LPCAT1: variants seen among roughly 807,000 people sequenced by gnomAD.
LPCAT1 encodes 1-acylglycerol-3-phosphate O-acyltransferase.
A neutral mutation model predicts 60.9 loss-of-function variants in LPCAT1; 23 were observed. That is an observed-to-expected ratio of 0.38 (90% CI 0.27 to 0.53). The LOEUF (loss-of-function observed/expected upper bound fraction) is 0.53, where lower values mean the gene tolerates loss of function less well. LPCAT1 is among the 20% of genes least tolerant of loss of function. The pLI, the probability that LPCAT1 is intolerant of heterozygous loss-of-function variation, is 0.82. For synonymous variants in LPCAT1, 340 were observed against 301.1 expected (o/e 1.13, Z -1.34); for missense variants, 622 against 723.6 (o/e 0.86, Z 1.61).
At chr5:1,494,981 G>C (rs1411113465) in intron 2 of LPCAT1, 67 bp from the exon 3 acceptor site, 1 of 1,442,560 alleles carries the variant, frequency 6.9e-7, no homozygotes, top group African/African-American at 1.4e-5. Context: ...TGAGGCACAG[G>C]GGCGGTCCCA....
chr5:1,472,756 G>A (rs1033155734), intron 11 of LPCAT1, among the ~76,000 whole-genome samples: 1 of 151,970 alleles, frequency 6.6e-6, no homozygotes, highest in Non-Finnish European at 1.5e-5. Context: ...CATCCGAGAC[G>A]CTGTTTGCAG....
At chr5:1,516,488 G>T (rs113706281) in intron 1 of LPCAT1, among the ~76,000 whole-genome samples, 8 of 152,300 alleles carry the variant, frequency 5.3e-5, no homozygotes, top group African/African-American at 1.9e-4. Flanking sequence ...TGCCCAGCCC[G>T]GCGGCATCCC....
chr5:1,489,953 G>A (rs1232166305), intron 3 of LPCAT1, 95 bp from the exon 4 acceptor site: 1 of 880,428 alleles, frequency 1.1e-6, no homozygotes, highest in Non-Finnish European at 1.9e-6. Context: ...CGCCCAGTGG[G>A]GCGGGAGACT....
At chr5:1,466,718 C>G (rs768947110) in intron 13 of LPCAT1, 31 bp downstream of exon 13, 5 of 1,591,156 alleles carry the variant, frequency 3.1e-6, no homozygotes, top group Non-Finnish European at 4.3e-6. Flanking sequence ...GCCCAAGGGT[C>G]GCGAGGACGA....
At chr5:1,482,410 G>A (rs1381559960) in intron 6 of LPCAT1, among the ~76,000 whole-genome samples, 1 of 104,888 alleles carries the variant, frequency 9.5e-6, no homozygotes, top group African/African-American at 4.0e-5. Context: ...CAGGGGCGGG[G>A]CCAGGGGGTG....
intron 1 of LPCAT1, among the ~76,000 whole-genome samples, chr5:1,513,676 C>T (rs990943750): frequency 2.0e-5 from 3 of 150,370 alleles, no homozygotes; most frequent in Admixed American, 6.6e-5. Context: ...GGCTCTCACC[C>T]GTGGGGCGGG....
intron 12 of LPCAT1, chr5:1,467,209 G>A (rs1734452247): frequency 3.2e-6 from 1 of 314,668 alleles, no homozygotes; most frequent in Non-Finnish European, 5.8e-6. Flanking sequence ...GGCCGCGGAA[G>A]GGTCCTGCCT....
intron 5 of LPCAT1, among the ~76,000 whole-genome samples, chr5:1,486,219 A>C (rs1735364877): frequency 6.6e-6 from 1 of 152,198 alleles, no homozygotes; most frequent in African/African-American, 2.4e-5. Flanking sequence ...GCCCTGCTGG[A>C]ACCCACCACA....
chr5:1,469,325 A>T (rs902435603), intron 12 of LPCAT1, among the ~76,000 whole-genome samples: 16 of 152,152 alleles, frequency 1.1e-4, no homozygotes, highest in Non-Finnish European at 1.0e-4. Flanking sequence ...CAACCCTACC[A>T]CAGCCAGTTA....
chr5:1,511,264 G>A (rs950653452), intron 1 of LPCAT1, among the ~76,000 whole-genome samples: 56 of 152,308 alleles, frequency 3.7e-4, no homozygotes, highest in African/African-American at 1.3e-3. Context: ...CCTCCCCGGC[G>A]CGCGCTGTTT....
intron 1 of LPCAT1, among the ~76,000 whole-genome samples, chr5:1,512,054 C>T (rs1424719389): frequency 6.6e-6 from 1 of 152,208 alleles, no homozygotes; most frequent in African/African-American, 2.4e-5. Context: ...ACCTGGGCAG[C>T]CCCACATCAC....
At position 1,501,804 on chromosome 5, in the gene LPCAT1, C is replaced by T. The variant is rs1405444884; in HGVS notation, c.136-201G>A. On this transcript the variant is annotated intron_variant, in intron 1 of 13. Coordinates refer to ENST00000283415, the MANE Select transcript of LPCAT1 (RefSeq NM_024830.5). ...GCTGACCGAGGCTGACCAGTGCTGA[C>T]CGGCGCTGACCAAGGCTAACCAACA... 2.6e-5 allele frequency among the ~76,000 whole-genome samples: 4 copies of T among 152,090 alleles called. No individual in the cohort carries two copies. The East Asian group carries it at 7.7e-4, about 29-fold the overall frequency.
In LPCAT1 at chr5:1,461,934, C is replaced by G. The variant is rs948311269; in HGVS notation, c.*1717G>C. 3.9e-5 allele frequency: 6 copies of G among 152,576 alleles called. No homozygotes were observed. Among genetic ancestry groups the G allele is most frequent in the African/African-American group, 1.4e-4 (6 of 41,438 alleles). The allele number at this position is 152,576 out of a possible 1,614,324, so 9.5% of individuals were successfully genotyped here. A position where few individuals can be genotyped will look rare whatever the true frequency, so the allele number is the denominator to read the frequency against. ...ATCAGTGACTGTTAGCTACCAAAGG[C>G]TGCACTAGGATTTCTTCTGTGTCCA... On this transcript the variant is annotated 3_prime_UTR_variant, in exon 14 of 14. Coordinates refer to ENST00000283415, the MANE Select transcript of LPCAT1 (RefSeq NM_024830.5).
In LPCAT1 at chr5:1,462,880, A is replaced by C. The variant is rs1734161278; in HGVS notation, c.*771T>G. On this transcript the variant is annotated 3_prime_UTR_variant, in exon 14 of 14. Transcript: ENST00000283415. ...GGAAAAGGATTAAGAAAAGCAGAAA[A>C]AGTGTTTTGGGGCTAGGCCCTTGAG... 1 of 152,146 alleles carries C rather than the reference A, an allele frequency of 6.6e-6. No homozygotes were observed. Among genetic ancestry groups the C allele is most frequent in the Non-Finnish European group, 1.5e-5 (1 of 68,038 alleles). 9.4% of individuals were successfully genotyped at this position (152,146 alleles called of 1,614,324 possible).
intron 13 of LPCAT1, among the ~76,000 whole-genome samples, chr5:1,466,018 G>A (rs528769432): frequency 2.6e-5 from 4 of 152,188 alleles, no homozygotes; most frequent in Non-Finnish European, 4.4e-5. Flanking sequence ...CAGCTCTCTC[G>A]CGTGTCTTCT....
rs36993 is a variant in LPCAT1, at chr5:1,495,648, A to G, written c.279-734T>C. Among the ~76,000 whole-genome samples, 111,954 of 152,122 alleles carry G rather than the reference A, an allele frequency of 0.74. 41,824 individuals carry two copies. The highest frequency in any genetic ancestry group is 0.86 in the Middle Eastern group (254 of 294). On this transcript the variant is annotated intron_variant, in intron 2 of 13. Coordinates refer to ENST00000283415, the MANE Select transcript of LPCAT1 (RefSeq NM_024830.5). This position sits in a 1 kb window ranked among gnomAD's most constrained non-coding sequence, Gnocchi z 4.7. The stretch of plus-strand genomic sequence containing the variant: ...CTCAGGGAATTGACACGCAGCAGAC[A>G]GCCACGGTGTGTGAGAAGCCACAGG...
At chr5:1,505,549 C>T (rs1736155866) in intron 1 of LPCAT1, among the ~76,000 whole-genome samples, 1 of 86,870 alleles carries the variant, frequency 1.2e-5, no homozygotes. Flanking sequence ...GGGGAGGCCC[C>T]GCCTGCATGC....
At chr5:1,472,623 G>A (rs1253194435) in intron 11 of LPCAT1, among the ~76,000 whole-genome samples, 1 of 152,140 alleles carries the variant, frequency 6.6e-6, no homozygotes, top group Admixed American at 6.5e-5. Context: ...CGCTGCCTGT[G>A]AAACCAGGAA....
At chr5:1,488,270 C>T in intron 5 of LPCAT1, 121 bp downstream of exon 5, 1 of 584,860 alleles carries the variant, frequency 1.7e-6, no homozygotes, top group Non-Finnish European at 3.0e-6. Flanking sequence ...CCTCTAAGAA[C>T]CCCAGCACAC....
Sources: gnomAD v4.1 joint callset for allele counts (sites outside exome capture counted in the v4.1 genomes callset) on GRCh38, gnomAD v4.1.1 for gene constraint, Gnocchi (gnomAD v3.1) non-coding constraint, MANE v1.5 for transcripts, NCBI Gene and HGNC (gene_info 2026-07-23, HGNC 2026-07-21) for gene names.